The following RAB40A variants were observed in gnomAD, a reference collection of about 807,000 sequenced individuals.
RAB40A encodes the protein RAB40A, member RAS oncogene family, also known as ras-related protein Rab-40A.
For synonymous variants in RAB40A, 65 were observed against 99.9 expected (o/e 0.65, Z 2.08); for missense variants, 145 against 230.2 (o/e 0.63, Z 2.40).
At chrX:103,513,895 AACACACAC>A (rs59511853) in intron 2 of RAB40A, among the ~76,000 whole-genome samples, 3 of 106,801 alleles carry the variant, frequency 2.8e-5, no homozygotes, top group African/African-American at 1.0e-4. Flanking sequence ...GTCTCAAGAA[AACACACAC>A]ACACACACAC....
chrX:103,506,805 T>C (rs769220427), intron 2 of RAB40A, among the ~76,000 whole-genome samples: 10 of 111,760 alleles, frequency 8.9e-5, no homozygotes, highest in Non-Finnish European at 1.7e-4. Flanking sequence ...CACACAGTCT[T>C]CTCCAAAAGT....
intron 2 of RAB40A, among the ~76,000 whole-genome samples, chrX:103,508,885 T>C (rs1603133078): frequency 9.0e-6 from 1 of 111,293 alleles, no homozygotes; most frequent in East Asian, 2.8e-4. Context: ...GATATATAGA[T>C]ATAGATATGA....
intron 2 of RAB40A, among the ~76,000 whole-genome samples, chrX:103,516,609 C>A (rs1247173864): frequency 9.0e-6 from 1 of 111,363 alleles, no homozygotes; most frequent in Non-Finnish European, 1.9e-5. Flanking sequence ...GGAGTATGTA[C>A]AATCCATACT....
intron 2 of RAB40A, among the ~76,000 whole-genome samples, chrX:103,511,236 T>C (rs1299488443): frequency 9.0e-6 from 1 of 111,215 alleles, no homozygotes; most frequent in East Asian, 2.8e-4. Context: ...CGGTGGCTCA[T>C]GCCTGTAATC....
rs1569373097 is a variant in RAB40A, at chrX:103,500,423, T to C, written c.334A>G (p.Ile112Val). ...GGGACACCAGGGGCATGTTCCTCAATCTTCTTAATCCATCGATCCATACCC... is the reference window on the plus strand; with the variant it reads ...GGGACACCAGGGGCATGTTCCTCAACCTTCTTAATCCATCGATCCATACCC... The part of the protein sequence containing the change: ...FEGMDRWIKK[I>V]EEHAPGVPKI... The change falls in exon 3 of 3, where the codon ATT (isoleucine) becomes GTT (valine). Residue 112 changes from isoleucine to valine, a missense_variant. Coordinates refer to ENST00000304236, the MANE Select transcript of RAB40A (RefSeq NM_080879.3). 8.3e-7 allele frequency: 1 copy of C among 1,210,767 alleles called. No homozygotes were observed. The highest frequency in any genetic ancestry group is 1.8e-5 in the South Asian group (1 of 56,926).
intron 2 of RAB40A, among the ~76,000 whole-genome samples, chrX:103,508,116 C>T (rs921391087): frequency 3.6e-5 from 4 of 111,950 alleles, no homozygotes; most frequent in African/African-American, 9.8e-5. Flanking sequence ...TTAATACAGC[C>T]CTTAGTGGGG....
rs1250115184 is a variant in RAB40A, at chrX:103,500,503, C to G, written c.254G>C (p.Arg85Pro). Residue 85 changes from arginine (R) to proline (P), a missense_variant, in exon 3 of 3, where the codon CGT becomes CCT. By Grantham distance (103) the Arg-to-Pro change is moderately radical (BLOSUM62 -2). Transcript: ENST00000304236. The stretch of plus-strand genomic sequence containing the variant: ...GACCAGGATCACTCCTTGTGCACCA[C>G]GAGAGTAGGAGCGGAATATGGTACA... ...RFCTIFRSYS[R>P]GAQGVILVYD... 8.3e-7 allele frequency: 1 copy of G among 1,208,877 alleles called. No individual in the cohort carries two copies. Among genetic ancestry groups the G allele is most frequent in the African/African-American group, 1.8e-5 (1 of 56,965 alleles).
Position 103,500,478 on chromosome X carries a change from G to C in RAB40A, c.279C>G (p.Val93=), listed in dbSNP as rs750250373. 2.5e-6 allele frequency: 3 copies of C among 1,208,372 alleles called. No individual in the cohort carries two copies. In the South Asian group the frequency reaches 5.3e-5, roughly 21 times the overall value. ...AAGACCAGCGGTTTGCAATGTCGTA[G>C]ACCAGGATCACTCCTTGTGCACCAC... The part of the protein sequence containing the change: ...YSRGAQGVIL[V]YDIANRWSFE... Residue 93 remains valine, a synonymous_variant, in exon 3 of 3, where the codon GTC becomes GTG. Transcript: ENST00000304236.
intron 2 of RAB40A, among the ~76,000 whole-genome samples, chrX:103,507,225 T>C (rs1016921882): frequency 1.1e-4 from 12 of 112,021 alleles, no homozygotes; most frequent in East Asian, 2.8e-4. Context: ...TCATTCCTTT[T>C]TATGGCTGCA....
intron 2 of RAB40A, among the ~76,000 whole-genome samples, chrX:103,515,067 T>C (rs1279298285): frequency 8.9e-6 from 1 of 112,042 alleles, no homozygotes; most frequent in Non-Finnish European, 1.9e-5. Context: ...TCACCATCCC[T>C]AACCATTGGG....
At chrX:103,498,580 C>G (rs140280637), downstream of RAB40A, among the ~76,000 whole-genome samples, 1,551 of 112,343 alleles carry the variant, frequency 0.014, 20 homozygotes, top group African/African-American at 0.047. Context: ...AACCTGCAAA[C>G]ATCCCTGTTT....
At chrX:103,498,109 G>A (rs1237052930), downstream of RAB40A, among the ~76,000 whole-genome samples, 1 of 111,377 alleles carries the variant, frequency 9.0e-6, no homozygotes, top group African/African-American at 3.3e-5. Context: ...GTTTCATATT[G>A]GTGGTGGGGA....
At chrX:103,496,080 C>T (rs927695164), downstream of RAB40A, among the ~76,000 whole-genome samples, 4 of 111,965 alleles carry the variant, frequency 3.6e-5, no homozygotes, top group Non-Finnish European at 7.5e-5. Context: ...GGTTAAGGTA[C>T]TGTTTGCCAA....
chrX:103,508,312 TC>T (rs2073267731), intron 2 of RAB40A, among the ~76,000 whole-genome samples: 1 of 111,146 alleles, frequency 9.0e-6, no homozygotes, highest in African/African-American at 3.3e-5. Context: ...GTGCTCAGGG[TC>T]TCCTAGGGAG....
At chrX:103,516,673 A>G (rs1164513096) in intron 2 of RAB40A, among the ~76,000 whole-genome samples, 2 of 111,557 alleles carry the variant, frequency 1.8e-5, no homozygotes, top group Non-Finnish European at 3.8e-5. Context: ...AAAAATATCA[A>G]TAGCCAGCAA....
At chrX:103,513,936 T>A (rs568261503) in intron 2 of RAB40A, among the ~76,000 whole-genome samples, 2 of 111,042 alleles carry the variant, frequency 1.8e-5, no homozygotes, top group African/African-American at 6.6e-5. Flanking sequence ...TGCAACATTG[T>A]TTTGGGCTGG....
At chrX:103,499,058 G>A (rs187845495), downstream of RAB40A, 3 of 112,548 alleles carry the variant, frequency 2.7e-5, no homozygotes, top group Admixed American at 2.8e-4. Context: ...TTTCTGCAAA[G>A]CCTCATCTTG....
chrX:103,518,481 T>A (rs1035971147), intron 1 of RAB40A, among the ~76,000 whole-genome samples: 3 of 110,168 alleles, frequency 2.7e-5, no homozygotes, highest in Non-Finnish European at 5.7e-5. Flanking sequence ...AATGACTGAG[T>A]TTAGGTCTGT....
intron 2 of RAB40A, among the ~76,000 whole-genome samples, chrX:103,510,093 C>T (rs928505941): frequency 2.7e-5 from 3 of 112,259 alleles, no homozygotes; most frequent in South Asian, 7.4e-4. Context: ...CATGAGCCAC[C>T]GTGCCCAACC....
Sources: gnomAD v4.1 joint callset for allele counts (sites outside exome capture counted in the v4.1 genomes callset) on GRCh38, gnomAD v4.1.1 for gene constraint, MANE v1.5 for transcripts, NCBI Gene and HGNC (gene_info 2026-07-23, HGNC 2026-07-21) for gene names.